SLIT2: variants seen among roughly 807,000 people sequenced by gnomAD.
SLIT2 encodes the protein slit homolog 2 protein.
In SLIT2, 41 loss-of-function variants were observed where a neutral mutation model predicts 185.7. The ratio of observed to expected loss-of-function variants is 0.22; its 90% CI spans 0.17 to 0.29. The LOEUF (loss-of-function observed/expected upper bound fraction) is 0.29, where lower values mean the gene tolerates loss of function less well. Ranked by LOEUF, SLIT2 falls within the 10% of genes least tolerant of loss-of-function variation. The pLI, the probability that SLIT2 is intolerant of heterozygous loss-of-function variation, is 1.00. For missense variants in SLIT2, 1,571 were observed against 1,909.0 expected, an observed-to-expected ratio of 0.82 and a Z score of 3.30; for synonymous variants, 693 against 680.2, an observed-to-expected ratio of 1.02 and a Z score of -0.29.
At chr4:20,586,271 G>A (rs964373030) in intron 29 of SLIT2, among the ~76,000 whole-genome samples, 5 of 152,176 alleles carry the variant, frequency 3.3e-5, no homozygotes, top group African/African-American at 1.2e-4. Flanking sequence ...AATAGCATAA[G>A]CTATGTTATT....
chr4:20,296,330 T>C (rs1716473906), intron 4 of SLIT2, among the ~76,000 whole-genome samples: 1 of 152,230 alleles, frequency 6.6e-6, no homozygotes, highest in African/African-American at 2.4e-5. Flanking sequence ...AAAAAAAAGT[T>C]TTAAAAATGT....
At chr4:20,606,393 G>A (rs1392847781) in intron 33 of SLIT2, among the ~76,000 whole-genome samples, 3 of 151,596 alleles carry the variant, frequency 2.0e-5, no homozygotes, top group Non-Finnish European at 2.9e-5. Context: ...GAGGCAGCAG[G>A]ATCACTTGAG....
intron 4 of SLIT2, among the ~76,000 whole-genome samples, chr4:20,394,265 T>C (rs1401520912): frequency 6.6e-6 from 1 of 151,836 alleles, no homozygotes; most frequent in Non-Finnish European, 1.5e-5. Flanking sequence ...GCCTTGAAAA[T>C]TGGTATCGCA....
intron 18 of SLIT2, 58 bp downstream of exon 18, chr4:20,533,773 A>G: frequency 1.3e-6 from 2 of 1,507,498 alleles, no homozygotes. Context: ...CTCATTGTTC[A>G]TTATAATCCT....
At chr4:20,494,663 C>A (rs1718068924) in intron 9 of SLIT2, among the ~76,000 whole-genome samples, 1 of 151,678 alleles carries the variant, frequency 6.6e-6, no homozygotes, top group African/African-American at 2.4e-5. Flanking sequence ...CCTGTAGTCT[C>A]ATCTACTCGG....
At chr4:20,505,470 A>G (rs987010403) in intron 9 of SLIT2, among the ~76,000 whole-genome samples, 9 of 152,108 alleles carry the variant, frequency 5.9e-5, no homozygotes. Context: ...CGATTTTAAA[A>G]CATTGAAAAT....
At chr4:20,434,044 G>A (rs989838016) in intron 4 of SLIT2, among the ~76,000 whole-genome samples, 1 of 152,160 alleles carries the variant, frequency 6.6e-6, no homozygotes. Flanking sequence ...AAAGCTTTGT[G>A]TCCCATTTGG....
In SLIT2 at chr4:20,568,911, G is replaced by A. The variant is rs752900781; in HGVS notation, c.2995G>A (p.Val999Ile). Residue 999 changes from valine to isoleucine, a missense_variant, in exon 29 of 37, where the codon GTT (valine) becomes ATT (isoleucine). Around this residue, in one of 3 missense-constraint regions of SLIT2, gnomAD observed 1,202 missense variants for 1,416.4 expected, o/e 0.85. Coordinates refer to ENST00000504154, the MANE Select transcript of SLIT2 (RefSeq NM_004787.4). ...GFEGENCEVN[V>I]DDCEDNDCEN... is the part of the protein sequence containing the mutation. ...TGAAGGAGAAAATTGTGAAGTCAAC[G>A]TTGATGATTGTGAAGATAATGACTG... 16 of 1,611,896 alleles carry A rather than the reference G, an allele frequency of 9.9e-6. No individual in the cohort carries two copies. Among genetic ancestry groups the A allele is most frequent in the East Asian group, 2.2e-5 (1 of 44,798 alleles).
At chr4:20,592,534 C>T (rs1577986263) in intron 30 of SLIT2, among the ~76,000 whole-genome samples, 1 of 152,134 alleles carries the variant, frequency 6.6e-6, no homozygotes, top group Non-Finnish European at 1.5e-5. Flanking sequence ...TAATGTAACT[C>T]CAAGCTCTAA....
chr4:20,364,658 C>G (rs991393350), intron 4 of SLIT2, among the ~76,000 whole-genome samples: 3 of 151,966 alleles, frequency 2.0e-5, no homozygotes, highest in Non-Finnish European at 4.4e-5. Context: ...TTCTCTCATT[C>G]ACATATATTT....
At chr4:20,475,390 G>A (rs1468845855) in intron 5 of SLIT2, among the ~76,000 whole-genome samples, 2 of 147,562 alleles carry the variant, frequency 1.4e-5, no homozygotes, top group Non-Finnish European at 3.0e-5. Context: ...ACATTCTATA[G>A]TGCTTTTCAT....
At chr4:20,502,101 A>C (rs1718795767) in intron 9 of SLIT2, among the ~76,000 whole-genome samples, 1 of 152,228 alleles carries the variant, frequency 6.6e-6, no homozygotes, top group African/African-American at 2.4e-5. Context: ...AAATCGTGTG[A>C]TAACTTAAGC....
intron 4 of SLIT2, among the ~76,000 whole-genome samples, chr4:20,343,740 CA>C (rs541821529): frequency 2.5e-4 from 37 of 147,056 alleles, no homozygotes; most frequent in Non-Finnish European, 4.6e-4. Context: ...CTCCTAGGCT[CA>C]AGCTACCCTC....
At chr4:20,281,648 A>G (rs1714786164) in intron 4 of SLIT2, among the ~76,000 whole-genome samples, 1 of 152,198 alleles carries the variant, frequency 6.6e-6, no homozygotes, top group Admixed American at 6.5e-5. Context: ...AGGTACTCCA[A>G]GTGACCACCC....
At chr4:20,348,082 C>T (rs1476864125) in intron 4 of SLIT2, among the ~76,000 whole-genome samples, 1 of 152,102 alleles carries the variant, frequency 6.6e-6, no homozygotes, top group Non-Finnish European at 1.5e-5. Flanking sequence ...CCAGTGGTGA[C>T]CATTTATGTA....
chr4:20,506,134 A>C (rs1257667324), intron 9 of SLIT2, among the ~76,000 whole-genome samples: 1 of 152,052 alleles, frequency 6.6e-6, no homozygotes, highest in East Asian at 1.9e-4. Flanking sequence ...ATGTTATGCA[A>C]TCATTTACAT....
At position 20,596,505 on chromosome 4, in the gene SLIT2, C is replaced by T. The variant is rs1259582147; in HGVS notation, c.3411C>T (p.Ile1137=). ...ATTGTCAGAATGGAGCTCAGTGTAT[C>T]GTCAGAATAAATGAGCCAATATGTC... ...NFDCQNGAQC[I]VRINEPICQC... Residue 1137 remains isoleucine (I), a synonymous_variant, in exon 32 of 37, where the codon ATC becomes ATT. Transcript: ENST00000504154. 3.1e-6 allele frequency: 5 copies of T among 1,614,018 alleles called. No individual in the cohort carries two copies. The highest frequency in any genetic ancestry group is 3.4e-6 in the Non-Finnish European group (4 of 1,179,984).
At chr4:20,460,680 C>T (rs1221780843) in intron 4 of SLIT2, among the ~76,000 whole-genome samples, 1 of 152,166 alleles carries the variant, frequency 6.6e-6, no homozygotes, top group African/African-American at 2.4e-5. Context: ...CCCTCTACTT[C>T]TATGAGATCA....
intron 4 of SLIT2, among the ~76,000 whole-genome samples, chr4:20,316,059 A>C (rs1483082163): frequency 1.3e-5 from 2 of 152,060 alleles, no homozygotes; most frequent in East Asian, 3.8e-4. Context: ...GCCTCCTCCC[A>C]GATTCCAAAA....
Sources: gnomAD v4.1 joint callset for allele counts (sites outside exome capture counted in the v4.1 genomes callset) on GRCh38, gnomAD v4.1.1 for gene constraint, gnomAD v4.1.1 regional missense constraint, MANE v1.5 for transcripts, NCBI Gene and HGNC (gene_info 2026-07-23, HGNC 2026-07-21) for gene names.